ZBED1: variants seen among roughly 807,000 people sequenced by gnomAD.
ZBED1 encodes zinc finger BED-type containing 1, also known as E3 SUMO-protein ligase ZBED1.
A neutral mutation model predicts 49.7 loss-of-function variants in ZBED1; 19 were observed. The observed-to-expected ratio is 0.38, with a 90% CI of 0.27 to 0.56. The LOEUF is 0.56. ZBED1 is among the 20% of genes least tolerant of loss of function. The probability of loss-of-function intolerance (pLI) is 0.70; values close to 1 mark genes in which losing one functional copy is unlikely to be tolerated. For missense variants in ZBED1, 806 were observed against 972.6 expected (o/e 0.83, Z 2.28); for synonymous variants, 439 against 440.3 (o/e 1.00, Z 0.04).
intron 1 of ZBED1, among the ~76,000 whole-genome samples, chrX:2,498,106 A>C (rs2045326085): frequency 6.6e-6 from 1 of 152,192 alleles, no homozygotes; most frequent in Non-Finnish European, 1.5e-5. Flanking sequence ...GTAAGAAGAC[A>C]CCATTTAGGA....
intron 1 of ZBED1, chrX:2,500,300 T>A (rs2045384245): frequency 5.4e-6 from 1 of 186,224 alleles, no homozygotes; most frequent in Non-Finnish European, 1.2e-5. Context: ...GAAGGGCCCA[T>A]CCTCACTTAC....
In ZBED1 at chrX:2,489,496, G is replaced by A. The variant is rs202124689; in HGVS notation, c.1224C>T (p.Ala408=). 575 of 1,613,424 alleles carry A rather than the reference G, an allele frequency of 3.6e-4. 3 individuals carry two copies. The highest frequency in any genetic ancestry group is 4.0e-4 in the Non-Finnish European group (474 of 1,179,830). ...GGTACCTGGAGGCCGACAGCATCTC[G>A]GCCACCTGCTTGAAGGGCTGCAGGA... ...VELLQPFKQV[A]EMLSASRYPT... The change falls in exon 2 of 2, where the codon GCC becomes GCT. Residue 408 remains alanine (A), a synonymous_variant. Transcript: ENST00000652001.
rs1429044374 is a variant in ZBED1 at position 2,490,365 on chromosome X, C to T, written c.355G>A (p.Asp119Asn). 5.6e-6 allele frequency: 9 copies of T among 1,613,508 alleles called. No individual in the cohort carries two copies. The highest frequency in any genetic ancestry group is 7.6e-6 in the Non-Finnish European group (9 of 1,179,810). ...GTCAGCTCCTGCTGCTTCTTGCTGTCGTAGCCGTGGCCGGCCTTGACGGCC... is the reference window on the plus strand; with the variant it reads ...GTCAGCTCCTGCTGCTTCTTGCTGTTGTAGCCGTGGCCGGCCTTGACGGCC... Reference protein sequence around the residue: ...ALAVKAGHGYDSKKQQELTAA... With the variant: ...ALAVKAGHGYNSKKQQELTAA... Residue 119 changes from aspartate (D) to asparagine (N), a missense_variant, in exon 2 of 2, where the codon GAC becomes AAC. Physicochemically the swap from Asp to Asn is conservative, Grantham distance 23 (BLOSUM62 1). Coordinates refer to ENST00000652001, the MANE Select transcript of ZBED1 (RefSeq NM_001171136.2).
At chrX:2,498,366 G>A (rs1050438846) in intron 1 of ZBED1, among the ~76,000 whole-genome samples, 2 of 152,180 alleles carry the variant, frequency 1.3e-5, no homozygotes, top group African/African-American at 2.4e-5. Flanking sequence ...CTACCAGAGA[G>A]AAGCAAATAA....
In ZBED1 at chrX:2,489,833, T is replaced by C. The variant is rs145894704; in HGVS notation, c.887A>G (p.Asn296Ser). 4.3e-5 allele frequency: 69 copies of C among 1,613,680 alleles called. No individual in the cohort carries two copies. The African/African-American group carries it at 7.2e-4, about 17-fold the overall frequency. ...VHMPCLGHTF[N>S]AGIQQAFQLP... ...CTGGAAGGCCTGCTGGATGCCGGCA[T>C]TGAAGGTGTGGCCCAGGCAGGGCAT... The change falls in exon 2 of 2, where the codon AAT becomes AGT. Residue 296 changes from asparagine to serine, a missense_variant. By Grantham distance (46) the Asn-to-Ser change is conservative. This residue lies in a region of ZBED1 where 749 missense variants were observed against 861.3 expected (regional missense o/e 0.87). Coordinates refer to ENST00000652001, the MANE Select transcript of ZBED1 (RefSeq NM_001171136.2).
At chrX:2,496,399 GTA>G (rs2045286077) in intron 1 of ZBED1, among the ~76,000 whole-genome samples, 1 of 151,918 alleles carries the variant, frequency 6.6e-6, no homozygotes, top group South Asian at 2.1e-4. Flanking sequence ...GGGTTCCACT[GTA>G]TTGCCCAGAC....
At chrX:2,496,641 A>G (rs758150412) in intron 1 of ZBED1, among the ~76,000 whole-genome samples, 71 of 152,254 alleles carry the variant, frequency 4.7e-4, no homozygotes, top group African/African-American at 1.6e-3. Flanking sequence ...GAAATAAAAA[A>G]CAAAAATAGC....
chrX:2,499,203 CCA>C (rs1332283816), intron 1 of ZBED1, among the ~76,000 whole-genome samples: 1 of 152,012 alleles, frequency 6.6e-6, no homozygotes, highest in Non-Finnish European at 1.5e-5. Context: ...TGGCTGACTC[CCA>C]GTCTCCCAGA....
At position 2,490,488 on chromosome X, in the gene ZBED1, A is replaced by T; in HGVS notation, c.232T>A (p.Phe78Ile). Residue 78 changes from phenylalanine to isoleucine, a missense_variant, in exon 2 of 2, where the codon TTC (phenylalanine) becomes ATC (isoleucine). By Grantham distance (21) the Phe-to-Ile change is conservative. Transcript: ENST00000652001. ...ATCTGCTCCGTGTTGCTCTTGACGA[A>T]CTCGCAGAATTCCTCGGGGTGGTTC... ...EKNHPEEFCE[F>I]VKSNTEQMRE... 6.2e-7 allele frequency: 1 copy of T among 1,613,810 alleles called. No individual in the cohort carries two copies. The highest frequency in any genetic ancestry group is 8.5e-7 in the Non-Finnish European group (1 of 1,179,838).
chrX:2,490,854 C>T, intron 1 of ZBED1, 82 bp from the exon 2 acceptor site: 6 of 1,289,616 alleles, frequency 4.7e-6, no homozygotes, highest in South Asian at 4.3e-5. Flanking sequence ...GACAGGGTGC[C>T]GGGGCAGCTC....
In ZBED1 at chrX:2,488,364, G is replaced by A. The variant is rs758564362; in HGVS notation, c.*271C>T. ...TAATTTTTGTATTTTTAGTAGAGAC[G>A]GGGTTTCGCCATGTTGGCCAGGCTG... On this transcript the variant is annotated 3_prime_UTR_variant, in exon 2 of 2. Transcript: ENST00000652001. 3.3e-5 allele frequency: 14 copies of A among 424,012 alleles called. No homozygotes were observed. The highest frequency in any genetic ancestry group is 3.1e-4 in the East Asian group (8 of 26,186). The allele number at this position is 424,012 out of a possible 1,614,324, so 26.3% of individuals were successfully genotyped here. A position where few individuals can be genotyped will look rare whatever the true frequency, so the allele number is the denominator to read the frequency against.
intron 1 of ZBED1, chrX:2,500,348 G>A: frequency 5.5e-6 from 1 of 181,506 alleles, no homozygotes; most frequent in Admixed American, 5.2e-5. Context: ...TGGGACGCCC[G>A]CTCCTCCCCT....
chrX:2,491,162 C>T (rs1454842103), intron 1 of ZBED1, among the ~76,000 whole-genome samples: 3 of 151,678 alleles, frequency 2.0e-5, no homozygotes, highest in East Asian at 1.9e-4. Context: ...CTCCGCCTCC[C>T]GGGTTCAAGC....
At chrX:2,496,248 G>C (rs1221058542) in intron 1 of ZBED1, among the ~76,000 whole-genome samples, 3 of 152,048 alleles carry the variant, frequency 2.0e-5, no homozygotes, top group African/African-American at 7.3e-5. Flanking sequence ...GCCCAGGCTT[G>C]AGTGCAGTGG....
intron 1 of ZBED1, among the ~76,000 whole-genome samples, chrX:2,491,982 G>A (rs1247282867): frequency 6.6e-6 from 1 of 152,182 alleles, no homozygotes; most frequent in African/African-American, 2.4e-5. Context: ...TTGTTAAAAG[G>A]TGTAATTGTG....
intron 1 of ZBED1, among the ~76,000 whole-genome samples, chrX:2,498,563 G>A (rs2045337136): frequency 6.7e-6 from 1 of 150,340 alleles, no homozygotes. Context: ...TGGCAGACAC[G>A]TGACTTCACC....
chrX:2,495,210 ATAT>A (rs2045251302), intron 1 of ZBED1, among the ~76,000 whole-genome samples: 1 of 150,058 alleles, frequency 6.7e-6, no homozygotes, highest in Admixed American at 6.7e-5. Flanking sequence ...ATTATCATTA[ATAT>A]TATTATTATT....
chrX:2,489,278 C>T lies in ZBED1; in HGVS notation c.1442G>A (p.Arg481Lys). 6.2e-7 allele frequency: 1 copy of T among 1,613,984 alleles called. No homozygotes were observed. Among genetic ancestry groups the T allele is most frequent in the Middle Eastern group, 1.7e-4 (1 of 6,056 alleles). Reference sequence around the variant, plus strand: ...CTCGAAGGCGGAGAGGAAGGGCAGCCTCTTGTAGCGGGGGTCCAGGAAGGT... The same window carrying T: ...CTCGAAGGCGGAGAGGAAGGGCAGCTTCTTGTAGCGGGGGTCCAGGAAGGT... ...VATFLDPRYK[R>K]LPFLSAFERQ... The change falls in exon 2 of 2, where the codon AGG (arginine) becomes AAG (lysine). Residue 481 changes from arginine to lysine, a missense_variant. Coordinates refer to ENST00000652001, the MANE Select transcript of ZBED1 (RefSeq NM_001171136.2).
chrX:2,490,948 G>A (rs1184304264), intron 1 of ZBED1, among the ~76,000 whole-genome samples, 176 bp from the exon 2 acceptor site: 3 of 152,278 alleles, frequency 2.0e-5, no homozygotes, highest in East Asian at 1.9e-4. Context: ...GGAACCTAGC[G>A]CAGGAATACG....
Sources: gnomAD v4.1 joint callset for allele counts (sites outside exome capture counted in the v4.1 genomes callset) on GRCh38, gnomAD v4.1.1 for gene constraint, gnomAD v4.1.1 regional missense constraint, MANE v1.5 for transcripts, NCBI Gene and HGNC (gene_info 2026-07-23, HGNC 2026-07-21) for gene names.